FAM199X: variants seen among roughly 807,000 people sequenced by gnomAD.
FAM199X encodes the protein protein FAM199X.
In FAM199X, 4 loss-of-function variants were observed where a neutral mutation model predicts 22.9. That is an observed-to-expected ratio of 0.17 (90% CI 0.09 to 0.40). The LOEUF is 0.40. Among genes scored for constraint, FAM199X ranks in the 10% least tolerant of loss-of-function variants. The pLI, the probability that FAM199X is intolerant of heterozygous loss-of-function variation, is 1.00. For synonymous variants in FAM199X, 101 were observed against 112.3 expected (o/e 0.90, Z 0.64); for missense variants, 183 against 306.8 (o/e 0.60, Z 3.01).
chrX:104,187,153 G>A (rs943579771), intron 4 of FAM199X, among the ~76,000 whole-genome samples: 7 of 105,848 alleles, frequency 6.6e-5, no homozygotes, highest in African/African-American at 2.1e-4. Flanking sequence ...ACGCGATCTC[G>A]GCTCACTGCA....
At chrX:104,164,270 A>G (rs931095286), upstream of FAM199X, among the ~76,000 whole-genome samples, 1 of 112,003 alleles carries the variant, frequency 8.9e-6, no homozygotes, top group African/African-American at 3.2e-5. Context: ...CTTTCCCATC[A>G]CTTTATTCTC....
intron 2 of FAM199X, among the ~76,000 whole-genome samples, chrX:104,183,730 G>T (rs1294350683): frequency 1.8e-5 from 2 of 112,137 alleles, no homozygotes; most frequent in African/African-American, 6.5e-5. Flanking sequence ...CTCTCAAAGT[G>T]CTGGGATTAC....
upstream of FAM199X, among the ~76,000 whole-genome samples, chrX:104,164,835 G>A (rs782398232): frequency 1.8e-4 from 20 of 111,338 alleles, no homozygotes; most frequent in Admixed American, 1.7e-3. Context: ...AGCCAAGATC[G>A]CCCCAATACA....
the FAM199X span, among the ~76,000 whole-genome samples, chrX:104,159,037 C>T: frequency 2.7e-5 from 3 of 112,041 alleles, no homozygotes; most frequent in South Asian, 3.7e-4. Flanking sequence ...AGAGGTAGCA[C>T]GGAAAGACTT....
At position 104,190,566 on chromosome X, in the gene FAM199X, T is replaced by A. The variant is rs1236752289; in HGVS notation, c.*788T>A. On this transcript the variant is annotated 3_prime_UTR_variant, in exon 6 of 6. Coordinates refer to ENST00000493442, the MANE Select transcript of FAM199X (RefSeq NM_207318.4). ...GACTTGATGCTATGTTGATTAATAT[T>A]TAAATGGTGAAAGTAATTAGGCAAA... 1 of 112,340 alleles carries A rather than the reference T, an allele frequency of 8.9e-6. No homozygotes were observed. Among genetic ancestry groups the A allele is most frequent in the Non-Finnish European group, 1.9e-5 (1 of 53,281 alleles). The allele number at this position is 112,340 out of a possible 1,213,427, so 9.3% of individuals were successfully genotyped here.
At chrX:104,179,064 A>G (rs1360293155) in intron 2 of FAM199X, among the ~76,000 whole-genome samples, 1 of 111,924 alleles carries the variant, frequency 8.9e-6, no homozygotes, top group Non-Finnish European at 1.9e-5. Flanking sequence ...CTGAAGGTGC[A>G]GGTTACAGTG....
At chrX:104,175,953 A>G in intron 2 of FAM199X, 111 bp downstream of exon 2, 1 of 497,661 alleles carries the variant, frequency 2.0e-6, no homozygotes, top group Non-Finnish European at 3.2e-6. Context: ...ATGTTTATCC[A>G]GTCCTGGAGA....
chrX:104,172,055 T>C (rs1921365398), intron 1 of FAM199X, among the ~76,000 whole-genome samples: 1 of 110,895 alleles, frequency 9.0e-6, no homozygotes, highest in African/African-American at 3.3e-5. Flanking sequence ...TCCTACTTTG[T>C]TTTTATCTAT....
intron 2 of FAM199X, among the ~76,000 whole-genome samples, chrX:104,180,562 T>C (rs782312765): frequency 9.0e-6 from 1 of 111,194 alleles, no homozygotes; most frequent in Non-Finnish European, 1.9e-5. Context: ...CATGAGTGAC[T>C]ATGATGTCAG....
chrX:104,158,166 T>C, the FAM199X span, among the ~76,000 whole-genome samples: 1 of 111,765 alleles, frequency 8.9e-6, no homozygotes, highest in Non-Finnish European at 1.9e-5. Flanking sequence ...CACCATAAAT[T>C]CTTTTCAAGT....
At chrX:104,186,431 G>T in intron 3 of FAM199X, 29 bp from the exon 4 acceptor site, 1 of 1,194,822 alleles carries the variant, frequency 8.4e-7, no homozygotes, top group Non-Finnish European at 1.1e-6. Context: ...TTTTAGCAAT[G>T]ATCTTATTGT....
At chrX:104,160,323 C>G in the FAM199X span, among the ~76,000 whole-genome samples, 1 of 112,762 alleles carries the variant, frequency 8.9e-6, no homozygotes, top group Non-Finnish European at 1.9e-5. Flanking sequence ...AGACTACATT[C>G]TATCAAATTA....
chrX:104,163,432 G>C, upstream of FAM199X, among the ~76,000 whole-genome samples: 1 of 111,430 alleles, frequency 9.0e-6, no homozygotes, highest in Non-Finnish European at 1.9e-5. Context: ...AAGGATCTTG[G>C]AGAATGGAAG....
Position 104,186,158 on chromosome X carries a change from A to T in FAM199X, c.510A>T (p.Lys170Asn), listed in dbSNP as rs376574707. The T allele has an allele frequency of 8.3e-7, 1 of 1,209,751 alleles. No individual in the cohort carries two copies. The highest frequency in any genetic ancestry group is 1.7e-5 in the African/African-American group (1 of 57,198). Residue 170 changes from lysine (K) to asparagine (N), a missense_variant, in exon 3 of 6, where the codon AAA becomes AAT. By Grantham distance (94) the Lys-to-Asn change is moderately conservative. Transcript: ENST00000493442. The part of the protein sequence containing the change: ...PSSPCLLPKK[K>N]NKHRNLDELP... ...CACCTTGCCTGCTTCCTAAAAAGAAAAACAAGCACCGGAATTTAGATGAAC... is the reference window on the plus strand; with the variant it reads ...CACCTTGCCTGCTTCCTAAAAAGAATAACAAGCACCGGAATTTAGATGAAC...
rs1160016942 is a variant in FAM199X at position 104,193,310 on chromosome X, A to C, written c.*3532A>C. On this transcript the variant is annotated 3_prime_UTR_variant, in exon 6 of 6. Coordinates refer to ENST00000493442, the MANE Select transcript of FAM199X (RefSeq NM_207318.4). ...TAGCTAGATCATTGAAGAGCCTTGA[A>C]AGTTATCTAAAGTATGGCTTAATGT... is the stretch of plus-strand genomic sequence containing the variant. 8.9e-6 allele frequency: 1 copy of C among 111,910 alleles called. No individual in the cohort carries two copies. Among genetic ancestry groups the C allele is most frequent in the African/African-American group, 3.2e-5 (1 of 30,896 alleles). The allele number at this position is 111,910 out of a possible 1,213,427, so 9.2% of individuals were successfully genotyped here. A position where few individuals can be genotyped will look rare whatever the true frequency, so the allele number is the denominator to read the frequency against.
At position 104,190,821 on chromosome X, in the gene FAM199X, C is replaced by G. The variant is rs1921919308; in HGVS notation, c.*1043C>G. Reference sequence around the variant, plus strand: ...ATCTGCTAAACTTCTCTATAAATTGCTAGAAATATACAGAGCAATGAGATA... The same window carrying G: ...ATCTGCTAAACTTCTCTATAAATTGGTAGAAATATACAGAGCAATGAGATA... On this transcript the variant is annotated 3_prime_UTR_variant, in exon 6 of 6. Transcript: ENST00000493442. 2.7e-5 allele frequency: 3 copies of G among 110,878 alleles called. No individual in the cohort carries two copies. The highest frequency in any genetic ancestry group is 1.9e-4 in the Admixed American group (2 of 10,441). The allele number at this position is 110,878 out of a possible 1,213,427, so 9.1% of individuals were successfully genotyped here.
At chrX:104,166,183 C>T (rs944901538), upstream of FAM199X, among the ~76,000 whole-genome samples, 4 of 112,923 alleles carry the variant, frequency 3.5e-5, no homozygotes, top group African/African-American at 1.3e-4. Context: ...TTCTCACGCA[C>T]CCGCAGTGTG....
rs1922020809 is a variant in FAM199X at position 104,194,893 on chromosome X, T to C, written c.*5115T>C. On this transcript the variant is annotated 3_prime_UTR_variant, in exon 6 of 6. Coordinates refer to ENST00000493442, the MANE Select transcript of FAM199X (RefSeq NM_207318.4). ...CAGATTGTTAACCAGGATTTTTTTT[T>C]CCTGTATTACTGCTAAATATATTAC... The C allele has an allele frequency of 9.0e-6, 1 of 110,966 alleles. No individual in the cohort carries two copies. The highest frequency in any genetic ancestry group is 9.7e-5 in the Admixed American group (1 of 10,269). The allele number at this position is 110,966 out of a possible 1,213,427, so 9.1% of individuals were successfully genotyped here. A position where few individuals can be genotyped will look rare whatever the true frequency, so the allele number is the denominator to read the frequency against.
chrX:104,185,509 A>G (rs1556378884), intron 2 of FAM199X, among the ~76,000 whole-genome samples: 1 of 112,411 alleles, frequency 8.9e-6, no homozygotes, highest in East Asian at 2.8e-4. Context: ...GAATAACTAT[A>G]TGCAAAGAAT....
Sources: allele counts gnomAD v4.1 joint callset (sites outside exome capture counted in the v4.1 genomes callset), GRCh38; gene constraint gnomAD v4.1.1; transcripts MANE v1.5; gene names NCBI Gene and HGNC (gene_info 2026-07-23, HGNC 2026-07-21).